Variants in CACNG3 observed in about 807,000 individuals in gnomAD.
CACNG3 encodes the protein voltage-dependent calcium channel gamma-3 subunit.
CACNG3 carries 3 observed loss-of-function variants against 28.5 expected under a neutral mutation model. The ratio of observed to expected loss-of-function variants is 0.11; its 90% CI spans 0.05 to 0.27. The LOEUF (loss-of-function observed/expected upper bound fraction) is 0.27, where lower values mean the gene tolerates loss of function less well. Among genes scored for constraint, CACNG3 ranks in the 10% least tolerant of loss-of-function variants. CACNG3 has a pLI of 1.00. For synonymous variants in CACNG3, 174 were observed against 162.2 expected (o/e 1.07, Z -0.55); for missense variants, 236 against 414.4 (o/e 0.57, Z 3.74).
chr16:24,330,873 G>A (rs1182238011), intron 1 of CACNG3, among the ~76,000 whole-genome samples: 1 of 152,160 alleles, frequency 6.6e-6, no homozygotes, highest in Non-Finnish European at 1.5e-5. Flanking sequence ...AATGATCAGG[G>A]TGACCACCCT....
At chr16:24,340,479 T>A (rs1044796138) in intron 1 of CACNG3, among the ~76,000 whole-genome samples, 1 of 152,232 alleles carries the variant, frequency 6.6e-6, no homozygotes, top group African/African-American at 2.4e-5. Context: ...GATTTGATCA[T>A]TATTCGTTAT....
intron 1 of CACNG3, among the ~76,000 whole-genome samples, chr16:24,317,643 A>AAAGAACG (rs1567217625): frequency 1.6e-5 from 1 of 63,246 alleles, no homozygotes; most frequent in African/African-American, 7.7e-5. Flanking sequence ...AGAAAGAAAG[A>AAAGAACG]AAAGAAAAGA....
chr16:24,258,247 T>C (rs1402960635), intron 1 of CACNG3, among the ~76,000 whole-genome samples: 2 of 152,230 alleles, frequency 1.3e-5, no homozygotes, highest in African/African-American at 2.4e-5. Context: ...CTGGCCTTTT[T>C]CCCATGTCCT....
At chr16:24,283,070 G>T (rs1024705913) in intron 1 of CACNG3, among the ~76,000 whole-genome samples, 5 of 151,962 alleles carry the variant, frequency 3.3e-5, no homozygotes, top group Non-Finnish European at 7.4e-5. Context: ...AGTTTTCACT[G>T]TGTTAGCCAA....
chr16:24,349,025 G>A (rs1899906735), intron 2 of CACNG3, among the ~76,000 whole-genome samples: 1 of 152,218 alleles, frequency 6.6e-6, no homozygotes, highest in Non-Finnish European at 1.5e-5. Flanking sequence ...ATTGGGCTAA[G>A]GTTAAGGAGA....
chr16:24,304,538 C>A (rs79283778), intron 1 of CACNG3, among the ~76,000 whole-genome samples: 2 of 152,012 alleles, frequency 1.3e-5, no homozygotes, highest in Non-Finnish European at 2.9e-5. Context: ...CCTGGGAGTG[C>A]GCTAACTTGA....
chr16:24,300,512 A>G (rs796315012), intron 1 of CACNG3, among the ~76,000 whole-genome samples: 5 of 152,042 alleles, frequency 3.3e-5, no homozygotes, highest in Non-Finnish European at 5.9e-5. Flanking sequence ...ATGATTGTCA[A>G]TCTTTCCAAA....
Position 24,329,382 on chromosome 16 carries a change from G to A in CACNG3, c.212-17352G>A, listed in dbSNP as rs539546773. ...CGAAGGTTGAAATAAGCAGTCCAGG[G>A]TAGCTGGAGACAGATCCAGGAGGCT... On this transcript the variant is annotated intron_variant, in intron 1 of 3. Coordinates refer to ENST00000005284, the MANE Select transcript of CACNG3 (RefSeq NM_006539.4). Among the ~76,000 whole-genome samples the A allele has an allele frequency of 7.9e-5, 12 of 152,310 alleles. No homozygotes were observed. The East Asian group carries it at 2.3e-3, about 29-fold the overall frequency.
intron 1 of CACNG3, among the ~76,000 whole-genome samples, chr16:24,339,534 C>A (rs748990811): frequency 1.3e-5 from 2 of 152,030 alleles, no homozygotes; most frequent in South Asian, 4.2e-4. Context: ...TATAGGTGCC[C>A]GCCACCACGC....
chr16:24,299,571 T>G (rs528752816), intron 1 of CACNG3, among the ~76,000 whole-genome samples: 1 of 152,334 alleles, frequency 6.6e-6, no homozygotes, highest in African/African-American at 2.4e-5. Flanking sequence ...GCTGTTCCTG[T>G]CAATGTAAAG....
intron 1 of CACNG3, among the ~76,000 whole-genome samples, chr16:24,316,206 GTCTGGACTTTATCCA>G (rs1276768165): frequency 9.5e-6 from 1 of 105,282 alleles, no homozygotes; most frequent in Non-Finnish European, 2.4e-5. Context: ...CTCAGGAACC[GTCTGGACTTTATCCA>G]TCATGCAGGG....
intron 1 of CACNG3, among the ~76,000 whole-genome samples, chr16:24,334,008 A>G (rs1390378978): frequency 6.6e-6 from 1 of 152,202 alleles, no homozygotes; most frequent in East Asian, 1.9e-4. Context: ...GTTGTAAGGC[A>G]TCTTTATTCT....
Position 24,256,781 on chromosome 16 carries a change from G to C in CACNG3, c.27G>C (p.Gln9His), listed in dbSNP as rs762103543. ...TGAGGATGTGTGACAGAGGTATCCAGATGTTGATCACCACTGTAGGAGCCT... is the reference window on the plus strand; with the variant it reads ...TGAGGATGTGTGACAGAGGTATCCACATGTTGATCACCACTGTAGGAGCCT... MRMCDRGI[Q>H]MLITTVGAFA... Residue 9 changes from glutamine to histidine, a missense_variant, in exon 1 of 4, where the codon CAG becomes CAC. By Grantham distance (24) the Gln-to-His change is conservative. This residue lies in a region of CACNG3 where 120 missense variants were observed against 263.4 expected (regional missense o/e 0.46). Transcript: ENST00000005284. This position sits in a 1 kb window ranked among gnomAD's most constrained non-coding sequence, Gnocchi z 4.6. The C allele has an allele frequency of 6.2e-7, 1 of 1,613,232 alleles. No individual in the cohort carries two copies. The highest frequency in any genetic ancestry group is 1.1e-5 in the South Asian group (1 of 91,048).
intron 1 of CACNG3, among the ~76,000 whole-genome samples, chr16:24,307,843 T>C (rs923407484): frequency 8.5e-5 from 13 of 152,152 alleles, no homozygotes; most frequent in African/African-American, 3.1e-4. Flanking sequence ...GGTAATTTCA[T>C]TGCATCGTTG....
intron 1 of CACNG3, among the ~76,000 whole-genome samples, chr16:24,272,162 T>G (rs1322165110): frequency 6.6e-6 from 1 of 152,110 alleles, no homozygotes. Context: ...TTATTGTTAT[T>G]ATATTCTTTC....
At chr16:24,287,328 G>A (rs141831490) in intron 1 of CACNG3, among the ~76,000 whole-genome samples, 1 of 151,914 alleles carries the variant, frequency 6.6e-6, no homozygotes, top group African/African-American at 2.4e-5. Flanking sequence ...GACCAGGCTG[G>A]GCAACATAGC....
chr16:24,317,660 G>GAAAGAAAGAAAGGA (rs1567217687), intron 1 of CACNG3, among the ~76,000 whole-genome samples: 8 of 78,368 alleles, frequency 1.0e-4, no homozygotes, highest in African/African-American at 4.3e-4. Context: ...AAGAAAGAAA[G>GAAAGAAAGAAAGGA]AAAGAAAGAA....
intron 1 of CACNG3, among the ~76,000 whole-genome samples, chr16:24,318,808 T>C (rs1899420863): frequency 1.3e-5 from 2 of 152,136 alleles, no homozygotes; most frequent in Non-Finnish European, 1.5e-5. Flanking sequence ...CTACCTCAGG[T>C]TGAAGGGGTT....
At chr16:24,359,137 C>T (rs1280649115) in intron 3 of CACNG3, among the ~76,000 whole-genome samples, 1 of 152,128 alleles carries the variant, frequency 6.6e-6, no homozygotes, top group African/African-American at 2.4e-5. Flanking sequence ...AAACATTCCT[C>T]ATGGCAGAGG....
Sources: allele counts gnomAD v4.1 joint callset (sites outside exome capture counted in the v4.1 genomes callset), GRCh38; gene constraint gnomAD v4.1.1; regional missense constraint gnomAD v4.1.1; non-coding constraint Gnocchi (gnomAD v3.1); transcripts MANE v1.5; gene names NCBI Gene and HGNC (gene_info 2026-07-23, HGNC 2026-07-21).